Variants in MALRD1 observed in about 807,000 individuals in gnomAD.
MALRD1 encodes MAM and LDL receptor class A domain containing 1, also known as MAM and LDL-receptor class A domain-containing protein 1.
MALRD1 carries 247 observed loss-of-function variants against 242.1 expected under a neutral mutation model. The observed-to-expected ratio is 1.02, with a 90% confidence interval of 0.92 to 1.13. MALRD1 has a LOEUF of 1.13. MALRD1 is among the 50% of genes most tolerant of loss of function. The pLI, the probability that MALRD1 is intolerant of heterozygous loss-of-function variation, is 0.00. For synonymous variants in MALRD1, 995 were observed against 866.6 expected, an observed-to-expected ratio of 1.15 and a Z score of -2.60; for missense variants, 2,989 against 2,533.1, an observed-to-expected ratio of 1.18 and a Z score of -3.86.
At chr10:19,274,213 A>G (rs974647950) in intron 19 of MALRD1, among the ~76,000 whole-genome samples, 13 of 152,198 alleles carry the variant, frequency 8.5e-5, no homozygotes, top group Admixed American at 2.6e-4. Flanking sequence ...GCTAAGAGGT[A>G]GAATAACCCA....
At chr10:19,364,348 T>C (rs1265701945) in intron 26 of MALRD1, among the ~76,000 whole-genome samples, 1 of 152,120 alleles carries the variant, frequency 6.6e-6, no homozygotes, top group Non-Finnish European at 1.5e-5. Flanking sequence ...CATTGCATAA[T>C]TCCCAAAAAT....
At chr10:19,591,173 T>A (rs549306609) in intron 33 of MALRD1, among the ~76,000 whole-genome samples, 1 of 152,238 alleles carries the variant, frequency 6.6e-6, no homozygotes, top group Non-Finnish European at 1.5e-5. Context: ...CTTTTCACAT[T>A]GGCTTCTTTC....
At chr10:19,094,258 G>A (rs1291143526) in intron 4 of MALRD1, among the ~76,000 whole-genome samples, 1 of 99,744 alleles carries the variant, frequency 1.0e-5, no homozygotes, top group African/African-American at 4.7e-5. Flanking sequence ...CGTGGGCATA[G>A]GACCCTCTGA....
At chr10:19,512,463 ATATCT>A (rs1833449071) in intron 31 of MALRD1, among the ~76,000 whole-genome samples, 2 of 152,220 alleles carry the variant, frequency 1.3e-5, no homozygotes, top group Non-Finnish European at 2.9e-5. Flanking sequence ...TGTGTTTGTA[ATATCT>A]TATTTAACTG....
At position 19,389,264 on chromosome 10, in the gene MALRD1, C is replaced by G. The variant is rs532006415; in HGVS notation, c.4688-188C>G. ...GTGAAGCACGTGCTAAAAGCACAGA[C>G]AGTTGGAAATTGTTCTGTCAGCAAG... On this transcript the variant is annotated intron_variant, in intron 27 of 39. Coordinates refer to ENST00000454679, the MANE Select transcript of MALRD1 (RefSeq NM_001142308.3). 24 of 706,964 alleles carry G rather than the reference C, an allele frequency of 3.4e-5. No individual in the cohort carries two copies. In the South Asian group the frequency reaches 3.6e-4, roughly 11 times the overall value. 43.8% of individuals were successfully genotyped at this position (706,964 alleles called of 1,614,324 possible).
At chr10:19,124,438 C>T (rs905354867) in intron 6 of MALRD1, 86 bp from the exon 7 acceptor site, 56 of 1,135,738 alleles carry the variant, frequency 4.9e-5, no homozygotes, top group Middle Eastern at 4.4e-4. Context: ...TGTATATAAG[C>T]TTTTTGGTTG....
At chr10:19,208,660 A>G (rs1417058315) in intron 17 of MALRD1, among the ~76,000 whole-genome samples, 1 of 152,182 alleles carries the variant, frequency 6.6e-6, no homozygotes, top group East Asian at 1.9e-4. Flanking sequence ...GCTTCACCCT[A>G]TATCTAATAA....
intron 38 of MALRD1, among the ~76,000 whole-genome samples, chr10:19,704,913 G>A (rs1439757781): frequency 1.3e-5 from 2 of 152,108 alleles, no homozygotes; most frequent in Admixed American, 6.6e-5. Context: ...TTGGGAGAAC[G>A]AGGCAGGCAG....
At chr10:19,314,556 A>C (rs1203212559) in intron 21 of MALRD1, among the ~76,000 whole-genome samples, 1 of 151,652 alleles carries the variant, frequency 6.6e-6, no homozygotes, top group East Asian at 1.9e-4. Context: ...TGAAGGTAGA[A>C]ATTGCAATAG....
At chr10:19,457,675 A>G (rs1321089017) in intron 29 of MALRD1, among the ~76,000 whole-genome samples, 1 of 150,844 alleles carries the variant, frequency 6.6e-6, no homozygotes, top group Non-Finnish European at 1.5e-5. Context: ...TGAGAACTGC[A>G]AGCAAGAAAC....
chr10:19,537,212 G>A (rs910026929), intron 32 of MALRD1, among the ~76,000 whole-genome samples: 4 of 152,140 alleles, frequency 2.6e-5, no homozygotes, highest in Admixed American at 6.6e-5. Context: ...TTAACATGAA[G>A]AGTAATTAAA....
At chr10:19,187,193 T>G (rs1440892977) in intron 14 of MALRD1, among the ~76,000 whole-genome samples, 1 of 152,126 alleles carries the variant, frequency 6.6e-6, no homozygotes, top group East Asian at 1.9e-4. Flanking sequence ...AAATAAGGCA[T>G]AAAGAGGATT....
At chr10:19,417,999 A>G (rs556638411) in intron 28 of MALRD1, among the ~76,000 whole-genome samples, 1 of 152,088 alleles carries the variant, frequency 6.6e-6, no homozygotes, top group Non-Finnish European at 1.5e-5. Context: ...ACACACATAC[A>G]CACACCTGCC....
chr10:19,289,736 G>C lies in MALRD1; in HGVS notation c.3419+6555G>C, dbSNP rs12255717. Among the ~76,000 whole-genome samples the C allele has an allele frequency of 7.4e-3, 1,132 of 152,210 alleles. 14 individuals carry two copies. The highest frequency in any genetic ancestry group is 0.026 in the African/African-American group (1,080 of 41,550). ...CCAAATTTTGTTTTTTGTGTTTGAA[G>C]GAAAACTTTTCTAATTTTAAATTGG... On this transcript the variant is annotated intron_variant, in intron 21 of 39. Coordinates refer to ENST00000454679, the MANE Select transcript of MALRD1 (RefSeq NM_001142308.3).
intron 18 of MALRD1, among the ~76,000 whole-genome samples, chr10:19,248,111 C>T (rs114000333): frequency 1.8e-3 from 275 of 152,010 alleles, no homozygotes; most frequent in African/African-American, 5.7e-3. Flanking sequence ...GGCAGACAGT[C>T]GGTTACAAGA....
intron 33 of MALRD1, among the ~76,000 whole-genome samples, chr10:19,592,483 G>T (rs1388944746): frequency 6.6e-6 from 1 of 152,176 alleles, no homozygotes; most frequent in Non-Finnish European, 1.5e-5. Context: ...ACCATGAGCT[G>T]TCATCTGGCA....
At chr10:19,251,384 G>A (rs1266222690) in intron 18 of MALRD1, among the ~76,000 whole-genome samples, 1 of 151,918 alleles carries the variant, frequency 6.6e-6, no homozygotes, top group Non-Finnish European at 1.5e-5. Flanking sequence ...CTGGAGGGGA[G>A]AATGGGCAGA....
chr10:19,137,188 G>C (rs1833374191), intron 10 of MALRD1, among the ~76,000 whole-genome samples: 1 of 152,090 alleles, frequency 6.6e-6, no homozygotes, highest in Non-Finnish European at 1.5e-5. Flanking sequence ...GGAAGCTGTA[G>C]CTGGGAGGGA....
chr10:19,629,897 G>T (rs1839830945), intron 36 of MALRD1, among the ~76,000 whole-genome samples: 1 of 152,180 alleles, frequency 6.6e-6, no homozygotes, highest in Non-Finnish European at 1.5e-5. Flanking sequence ...AAGCTTTTGT[G>T]CTGTTGCTAG....
Sources: gnomAD v4.1 joint callset for allele counts (sites outside exome capture counted in the v4.1 genomes callset) on GRCh38, gnomAD v4.1.1 for gene constraint, MANE v1.5 for transcripts, NCBI Gene and HGNC (gene_info 2026-07-23, HGNC 2026-07-21) for gene names.